DTNA: variants seen among roughly 807,000 people sequenced by gnomAD.
DTNA encodes dystrobrevin alpha, also known as dystrophin-related protein 3.
In DTNA, 43 loss-of-function variants were observed where a neutral mutation model predicts 100.7. The observed-to-expected ratio is 0.43, with a 90% CI of 0.33 to 0.55. The LOEUF (loss-of-function observed/expected upper bound fraction) is 0.55, where lower values mean the gene tolerates loss of function less well. Ranked by LOEUF, DTNA falls within the 20% of genes least tolerant of loss-of-function variation. The pLI, the probability that DTNA is intolerant of heterozygous loss-of-function variation, is 0.04. For synonymous variants in DTNA, 349 were observed against 347.9 expected (o/e 1.00, Z -0.04); for missense variants, 798 against 953.9 (o/e 0.84, Z 2.15).
At chr18:34,528,159 G>T (rs1423676059) in intron 1 of DTNA, among the ~76,000 whole-genome samples, 2 of 152,018 alleles carry the variant, frequency 1.3e-5, no homozygotes, top group African/African-American at 4.8e-5. Context: ...TTGAAACCTG[G>T]ATTTCCTGTA....
At chr18:34,551,400 C>A (rs929540172) in intron 1 of DTNA, among the ~76,000 whole-genome samples, 30 of 152,286 alleles carry the variant, frequency 2.0e-4, no homozygotes, top group Non-Finnish European at 1.0e-4. Flanking sequence ...ATTGCAGCAT[C>A]TTCTCCACGG....
At chr18:34,687,190 A>C (rs2079025189) in intron 1 of DTNA, among the ~76,000 whole-genome samples, 1 of 151,768 alleles carries the variant, frequency 6.6e-6, no homozygotes, top group Non-Finnish European at 1.5e-5. Context: ...CTAACTTTTG[A>C]ATTTGTTTGC....
chr18:34,814,508 G>C (rs940020482), intron 6 of DTNA, among the ~76,000 whole-genome samples: 12 of 150,472 alleles, frequency 8.0e-5, no homozygotes, highest in African/African-American at 2.4e-4. Context: ...AACATAGTAA[G>C]ATCTCATCTC....
chr18:34,584,495 C>A (rs986701866), intron 1 of DTNA, among the ~76,000 whole-genome samples: 1 of 151,580 alleles, frequency 6.6e-6, no homozygotes. Context: ...AAATGTTAGG[C>A]GAAATAATAT....
chr18:34,749,524 A>G (rs1369734565), intron 1 of DTNA, among the ~76,000 whole-genome samples: 1 of 152,052 alleles, frequency 6.6e-6, no homozygotes, highest in Non-Finnish European at 1.5e-5. Flanking sequence ...GGCTAGCGTG[A>G]GAGGCAGTCA....
chr18:34,587,547 A>G (rs983961580), intron 1 of DTNA, among the ~76,000 whole-genome samples: 4 of 152,076 alleles, frequency 2.6e-5, no homozygotes, highest in Non-Finnish European at 4.4e-5. Context: ...TAAAGTATAT[A>G]TTTACACATT....
intron 1 of DTNA, among the ~76,000 whole-genome samples, chr18:34,517,323 T>C (rs146417506): frequency 6.6e-6 from 1 of 152,292 alleles, no homozygotes; most frequent in Non-Finnish European, 1.5e-5. Flanking sequence ...CAGTAAATAA[T>C]ACAGAGGTCC....
At chr18:34,843,724 T>A (rs560879110) in intron 13 of DTNA, among the ~76,000 whole-genome samples, 8 of 152,190 alleles carry the variant, frequency 5.3e-5, no homozygotes, top group Admixed American at 2.0e-4. Flanking sequence ...TTCATATGCT[T>A]TAGCATATGA....
chr18:34,820,744 A>G (rs998737745), intron 8 of DTNA, 47 bp from the exon 9 acceptor site: 2 of 1,611,310 alleles, frequency 1.2e-6, no homozygotes, highest in East Asian at 2.2e-5. Flanking sequence ...ATAAAATATT[A>G]CATAAATATT....
rs537426499 is a variant in DTNA at position 34,555,586 on chromosome 18, C to T, written c.-2+62072C>T. Among the ~76,000 whole-genome samples, 7 of 152,132 alleles carry T rather than the reference C, an allele frequency of 4.6e-5. No individual in the cohort carries two copies. The South Asian group carries it at 6.2e-4, about 14-fold the overall frequency. ...TTCTAGTGTGTTGTGTCTTTGTTCT[C>T]GTTGGTTTCAAAGAACATCTTTATT... is the stretch of plus-strand genomic sequence containing the variant. On this transcript the variant is annotated intron_variant, in intron 1 of 19. Coordinates refer to the DTNA transcript ENST00000283365.
At chr18:34,729,513 G>A (rs1320415342) in intron 1 of DTNA, among the ~76,000 whole-genome samples, 1 of 152,190 alleles carries the variant, frequency 6.6e-6, no homozygotes, top group Non-Finnish European at 1.5e-5. Flanking sequence ...GGAAAGCTAA[G>A]GAAGAGAACA....
intron 1 of DTNA, among the ~76,000 whole-genome samples, chr18:34,514,847 C>T (rs1310944831): frequency 1.3e-5 from 2 of 151,944 alleles, no homozygotes; most frequent in Non-Finnish European, 2.9e-5. Context: ...CTCCCAAAGG[C>T]CTCACTCCTA....
chr18:34,866,505 G>C, intron 17 of DTNA: 1 of 1,152,292 alleles, frequency 8.7e-7, no homozygotes, highest in South Asian at 2.1e-5. Flanking sequence ...GATACCCTGA[G>C]GTTCATGTCA....
chr18:34,718,449 T>C (rs1284483819), intron 1 of DTNA, among the ~76,000 whole-genome samples: 1 of 152,306 alleles, frequency 6.6e-6, no homozygotes. Flanking sequence ...AATTTATGAT[T>C]TGGGTACATT....
At chr18:34,707,634 A>G (rs2082281081), upstream of DTNA, among the ~76,000 whole-genome samples, 1 of 152,200 alleles carries the variant, frequency 6.6e-6, no homozygotes, top group Non-Finnish European at 1.5e-5. Context: ...ATGGCCACAT[A>G]ACCAATCTCC....
chr18:34,751,451 C>T (rs925000487), intron 1 of DTNA, among the ~76,000 whole-genome samples: 1 of 151,008 alleles, frequency 6.6e-6, no homozygotes, highest in Non-Finnish European at 1.5e-5. Context: ...TGGCATCTAG[C>T]GTCGATTGGA....
At chr18:34,690,906 A>T (rs1015118852) in intron 1 of DTNA, among the ~76,000 whole-genome samples, 1 of 152,216 alleles carries the variant, frequency 6.6e-6, no homozygotes, top group Non-Finnish European at 1.5e-5. Flanking sequence ...AAACAACCCT[A>T]TAACATAGGC....
intron 1 of DTNA, among the ~76,000 whole-genome samples, chr18:34,531,013 A>G (rs1046133200): frequency 3.9e-5 from 6 of 152,142 alleles, no homozygotes; most frequent in African/African-American, 1.4e-4. Context: ...CAGTCATAGA[A>G]TAGCTGGAAC....
Position 34,877,726 on chromosome 18 carries a change from A to T in DTNA, c.1911A>T (p.Arg637Ser). Reference protein sequence around the residue: ...DVQEAFAQSSRRNLRNDLLVA... With the variant: ...DVQEAFAQSSSRNLRNDLLVA... The stretch of plus-strand genomic sequence containing the variant: ...ATTTCTTCTTCCCTGAAGGTTCAAG[A>T]AGAAACTTAAGGAATGACTTGCTAG... The change falls in exon 19 of 23, where the codon AGA becomes AGT. Residue 637 changes from arginine to serine, a missense_variant. Around this residue, in one of 6 missense-constraint regions of DTNA, gnomAD observed 242 missense variants for 238.2 expected, o/e 1.02. Coordinates refer to ENST00000444659, the MANE Select transcript of DTNA (RefSeq NM_001386795.1). 1 of 1,613,632 alleles carries T rather than the reference A, an allele frequency of 6.2e-7. No homozygotes were observed. The highest frequency in any genetic ancestry group is 1.6e-4 in the Middle Eastern group (1 of 6,062).
Sources: allele counts gnomAD v4.1 joint callset (sites outside exome capture counted in the v4.1 genomes callset), GRCh38; gene constraint gnomAD v4.1.1; regional missense constraint gnomAD v4.1.1; transcripts MANE v1.5; gene names NCBI Gene and HGNC (gene_info 2026-07-23, HGNC 2026-07-21).